Variants in C4orf50 observed in about 807,000 individuals in gnomAD.
The protein encoded by C4orf50 is chromosome 4 open reading frame 50.
In C4orf50, 80 loss-of-function variants were observed where a neutral mutation model predicts 77.2. That is an observed-to-expected ratio of 1.04 (90% CI 0.87 to 1.25). The LOEUF (loss-of-function observed/expected upper bound fraction) is 1.25, where lower values mean the gene tolerates loss of function less well. C4orf50 is among the 50% of genes most tolerant of loss of function. The probability of loss-of-function intolerance (pLI) is 0.00; values close to 1 mark genes in which losing one functional copy is unlikely to be tolerated. For missense variants in C4orf50, 1,257 were observed against 1,152.9 expected, an observed-to-expected ratio of 1.09 and a Z score of -1.31; for synonymous variants, 532 against 465.3, an observed-to-expected ratio of 1.14 and a Z score of -1.84.
intron 7 of C4orf50, among the ~76,000 whole-genome samples, chr4:5,924,493 G>C (rs957208559): frequency 1.3e-5 from 2 of 152,168 alleles, no homozygotes; most frequent in Non-Finnish European, 2.9e-5. Flanking sequence ...AGCAGGAAAG[G>C]CCAGACGGTT....
At chr4:5,996,662 T>C (rs1721604533) in intron 25 of C4orf50, among the ~76,000 whole-genome samples, 1 of 152,222 alleles carries the variant, frequency 6.6e-6, no homozygotes, top group African/African-American at 2.4e-5. Context: ...ATCTGTATGA[T>C]GGTTTGGGTC....
rs78132967 is a variant in C4orf50 at position 5,987,129 on chromosome 4, G to A, written c.3699+1218C>T. ...GAAAGTGGGAGAAAGAATATAATAA[G>A]GCCTCGTACGGTGGCGCATGCCTGT... On this transcript the variant is annotated intron_variant, in intron 28 of 33. Transcript: ENST00000531445. Among the ~76,000 whole-genome samples the A allele has an allele frequency of 3.7e-3, 558 of 152,160 alleles. 2 individuals are homozygous for A. The highest frequency in any genetic ancestry group is 0.013 in the African/African-American group (532 of 41,536).
intron 7 of C4orf50, among the ~76,000 whole-genome samples, chr4:5,943,523 A>G (rs1718351885): frequency 6.6e-6 from 1 of 152,184 alleles, no homozygotes; most frequent in South Asian, 2.1e-4. Flanking sequence ...TGATCTTGGG[A>G]AGATTCCCAG....
At chr4:5,955,725 T>C (rs1381445953), downstream of C4orf50, among the ~76,000 whole-genome samples, 7 of 152,116 alleles carry the variant, frequency 4.6e-5, no homozygotes, top group African/African-American at 1.7e-4. This position sits in a 1 kb window ranked among gnomAD's most constrained non-coding sequence, Gnocchi z 5.1. Flanking sequence ...CACTCCTGCT[T>C]GTGAGCACCT....
At chr4:5,947,931 C>A (rs1304862906) in intron 7 of C4orf50, among the ~76,000 whole-genome samples, 1 of 152,230 alleles carries the variant, frequency 6.6e-6, no homozygotes, top group Non-Finnish European at 1.5e-5. Flanking sequence ...TCAGACGCAT[C>A]CAGATGCAGG....
intron 33 of C4orf50, 145 bp from the exon 12 acceptor site, chr4:5,959,771 A>G: frequency 1.1e-6 from 1 of 932,934 alleles, no homozygotes; most frequent in Non-Finnish European, 1.6e-6. Flanking sequence ...AATACTCCTC[A>G]CACATTGGCT....
intron 7 of C4orf50, among the ~76,000 whole-genome samples, chr4:5,927,840 G>A (rs1270777109): frequency 6.6e-6 from 1 of 152,126 alleles, no homozygotes; most frequent in African/African-American, 2.4e-5. Context: ...CATTCTTCAT[G>A]CTTCAGCTCA....
At chr4:5,959,495 G>A (rs764812662) in exon 34 of C4orf50, 104 of 1,614,078 alleles carry the variant, frequency 6.4e-5, no homozygotes, top group Middle Eastern at 1.6e-4. Flanking sequence ...GTGCTGGGAC[G>A]TTATCGACTT....
intron 26 of C4orf50, among the ~76,000 whole-genome samples, chr4:5,993,534 A>C (rs1721408898): frequency 6.6e-6 from 1 of 152,208 alleles, no homozygotes. Flanking sequence ...ATATGGGCTC[A>C]AGCCGGGTGT....
intron 29 of C4orf50, among the ~76,000 whole-genome samples, chr4:5,979,250 G>C (rs2108780091): frequency 6.6e-6 from 1 of 152,274 alleles, no homozygotes; most frequent in East Asian, 1.9e-4. Context: ...ATGTTCATTG[G>C]AGCTGTGTTT....
At chr4:5,986,538 A>ATT (rs199690104) in intron 28 of C4orf50, among the ~76,000 whole-genome samples, 5 of 136,210 alleles carry the variant, frequency 3.7e-5, no homozygotes, top group African/African-American at 5.5e-5. Context: ...TAACAACGTC[A>ATT]TTTTTTTTTT....
intron 7 of C4orf50, among the ~76,000 whole-genome samples, chr4:5,918,539 G>C (rs1179886319): frequency 6.6e-6 from 1 of 152,164 alleles, no homozygotes; most frequent in Admixed American, 6.5e-5. Flanking sequence ...AGCCACAGTG[G>C]CTGCAGCCCA....
rs115794379 is a variant in C4orf50 at position 5,908,712 on chromosome 4, C to A, written c.*2475-10524G>T. Among the ~76,000 whole-genome samples the A allele has an allele frequency of 6.6e-6, 1 of 152,130 alleles. No homozygotes were observed. The highest frequency in any genetic ancestry group is 1.5e-5 in the Non-Finnish European group (1 of 68,024). On this transcript the variant is annotated intron_variant, in intron 7 of 7. Coordinates refer to the C4orf50 transcript ENST00000324058. The surrounding 1 kb of genome is among the most constrained non-coding windows in gnomAD (Gnocchi z 5.6). ...ATCCGATAGGAGAGACCAATACATA[C>A]GTGACTGCCCTTGACACCATTCACC... is the stretch of plus-strand genomic sequence containing the variant.
At chr4:5,961,733 T>G (rs1719289045) in intron 33 of C4orf50, among the ~76,000 whole-genome samples, 1 of 152,202 alleles carries the variant, frequency 6.6e-6, no homozygotes. Flanking sequence ...ATGAGGCTAA[T>G]GATATAGAGG....
At chr4:5,965,105 G>A (rs373043571) in exon 33 of C4orf50, 58 of 1,613,628 alleles carry the variant, frequency 3.6e-5, no homozygotes, top group African/African-American at 2.0e-4. Context: ...ATGAGCTTTG[G>A]AGGACACTGT....
chr4:5,986,816 C>A (rs915573179), intron 28 of C4orf50, among the ~76,000 whole-genome samples: 7 of 152,074 alleles, frequency 4.6e-5, no homozygotes, highest in African/African-American at 1.7e-4. Flanking sequence ...GGATTACAGG[C>A]ATGAGCCACC....
At chr4:5,954,757 C>T (rs1718879390), downstream of C4orf50, among the ~76,000 whole-genome samples, 1 of 152,132 alleles carries the variant, frequency 6.6e-6, no homozygotes, top group African/African-American at 2.4e-5. The surrounding 1 kb of genome is among the most constrained non-coding windows in gnomAD (Gnocchi z 4.7). Context: ...GGAAGACGCC[C>T]AGCTCAGCCC....
chr4:5,943,721 C>G (rs754722648), intron 7 of C4orf50, among the ~76,000 whole-genome samples: 3 of 152,186 alleles, frequency 2.0e-5, no homozygotes, highest in Non-Finnish European at 4.4e-5. Context: ...ACACCCAAGA[C>G]GTAGAAGTCA....
intron 25 of C4orf50, among the ~76,000 whole-genome samples, chr4:5,999,430 T>C (rs1261214234): frequency 6.6e-5 from 10 of 152,204 alleles, no homozygotes; most frequent in Non-Finnish European, 1.3e-4. Flanking sequence ...CAAAAGTTGA[T>C]GAAAGTCGGC....
Sources: gnomAD v4.1 joint callset for allele counts (sites outside exome capture counted in the v4.1 genomes callset) on GRCh38, gnomAD v4.1.1 for gene constraint, Gnocchi (gnomAD v3.1) non-coding constraint, MANE v1.5 for transcripts, NCBI Gene and HGNC (gene_info 2026-07-23, HGNC 2026-07-21) for gene names.